Variants in SEMA6D observed in about 807,000 individuals in gnomAD.
The protein encoded by SEMA6D is semaphorin-6D.
SEMA6D carries 35 observed loss-of-function variants against 106.6 expected under a neutral mutation model. The ratio of observed to expected loss-of-function variants is 0.33; its 90% CI spans 0.25 to 0.44. SEMA6D has a LOEUF of 0.44. Among genes scored for constraint, SEMA6D ranks in the 20% least tolerant of loss-of-function variants. The probability of loss-of-function intolerance (pLI) is 1.00; values close to 1 mark genes in which losing one functional copy is unlikely to be tolerated. For synonymous variants in SEMA6D, 499 were observed against 487.7 expected (o/e 1.02, Z -0.31); for missense variants, 1,185 against 1,345.9 (o/e 0.88, Z 1.87).
intron 4 of SEMA6D, among the ~76,000 whole-genome samples, chr15:47,665,039 C>T (rs1201985419): frequency 6.6e-6 from 1 of 152,072 alleles, no homozygotes; most frequent in Non-Finnish European, 1.5e-5. Flanking sequence ...CGAGAAGATC[C>T]TCTTTTATAT....
chr15:47,415,575 A>T (rs1002001174), intron 2 of SEMA6D, among the ~76,000 whole-genome samples: 2 of 152,016 alleles, frequency 1.3e-5, no homozygotes, highest in African/African-American at 4.8e-5. Context: ...GATTGTTTAC[A>T]ATCCAGGTTT....
intron 3 of SEMA6D, among the ~76,000 whole-genome samples, chr15:47,595,021 A>G (rs2076508639): frequency 1.3e-5 from 2 of 152,126 alleles, no homozygotes; most frequent in Non-Finnish European, 2.9e-5. Flanking sequence ...AATCTGGGAG[A>G]TATCCAGGTG....
chr15:47,475,445 AT>A (rs2141231078), intron 3 of SEMA6D, among the ~76,000 whole-genome samples: 1 of 152,242 alleles, frequency 6.6e-6, no homozygotes, highest in Admixed American at 6.5e-5. Flanking sequence ...TCTGATTTTC[AT>A]TTTTCTGTAT....
intron 1 of SEMA6D, among the ~76,000 whole-genome samples, chr15:47,187,976 T>G (rs1893690281): frequency 6.6e-6 from 1 of 152,182 alleles, no homozygotes; most frequent in Admixed American, 6.5e-5. Context: ...TTTGGGTAAA[T>G]CAGGCACTAA....
At chr15:47,562,929 C>G (rs2142728325) in intron 3 of SEMA6D, among the ~76,000 whole-genome samples, 1 of 152,184 alleles carries the variant, frequency 6.6e-6, no homozygotes, top group African/African-American at 2.4e-5. Context: ...GGAAACTACC[C>G]AAATGTCCAT....
chr15:47,650,329 T>C (rs2077662491), intron 4 of SEMA6D, among the ~76,000 whole-genome samples: 1 of 152,300 alleles, frequency 6.6e-6, no homozygotes, highest in Admixed American at 6.5e-5. Flanking sequence ...GGGCCTGTTA[T>C]GCAAAAAGCA....
chr15:47,456,622 C>T (rs991965415), intron 2 of SEMA6D, among the ~76,000 whole-genome samples: 8 of 151,832 alleles, frequency 5.3e-5, no homozygotes, highest in African/African-American at 1.9e-4. Context: ...TCACCTTAAA[C>T]AAGTAAAGAA....
At chr15:47,405,578 T>G (rs2040536387) in intron 1 of SEMA6D, among the ~76,000 whole-genome samples, 1 of 152,156 alleles carries the variant, frequency 6.6e-6, no homozygotes, top group African/African-American at 2.4e-5. Flanking sequence ...CCTCAGGGTC[T>G]TTCCCATAGC....
At chr15:47,466,015 C>T (rs886240841) in intron 2 of SEMA6D, among the ~76,000 whole-genome samples, 5 of 152,086 alleles carry the variant, frequency 3.3e-5, no homozygotes, top group African/African-American at 2.4e-5. Flanking sequence ...TTTCTCCCAG[C>T]TTTATAGGTG....
chr15:47,681,251 G>A (rs139260243), intron 4 of SEMA6D, among the ~76,000 whole-genome samples: 16 of 152,292 alleles, frequency 1.1e-4, no homozygotes, highest in African/African-American at 2.2e-4. Context: ...TACATACATT[G>A]AGATATTATT....
At position 47,652,949 on chromosome 15, in the gene SEMA6D, T is replaced by C. The variant is rs2038558534; in HGVS notation, c.-55+52053T>C. Among the ~76,000 whole-genome samples the C allele has an allele frequency of 2.0e-5, 3 of 152,170 alleles. No individual in the cohort carries two copies. The South Asian group carries it at 6.2e-4, about 32-fold the overall frequency. ...ATTTTTCAGTGACAGCAACCAAGAT[T>C]ATATAAATTTTGAAACATACAAGAG... On this transcript the variant is annotated intron_variant, in intron 4 of 19. Transcript: ENST00000558014.
At chr15:47,651,991 G>C (rs141933191) in intron 4 of SEMA6D, among the ~76,000 whole-genome samples, 1 of 152,102 alleles carries the variant, frequency 6.6e-6, no homozygotes, top group Non-Finnish European at 1.5e-5. Context: ...AAAAAGGAAC[G>C]TTTCTCTAAT....
In SEMA6D at chr15:47,228,161, C is replaced by CAT. The variant is rs1370210902; in HGVS notation, c.-239+43744_-239+43745insTA. Among the ~76,000 whole-genome samples, 45 of 92,290 alleles carry CAT rather than the reference C, an allele frequency of 4.9e-4. 1 individual carries two copies. The highest frequency in any genetic ancestry group is 2.0e-3 in the African/African-American group (43 of 21,114). 60.5% of individuals were successfully genotyped at this position (92,290 alleles called of 152,430 possible). Reference sequence around the variant, plus strand: ...GTACACACACACACACACACACACACACATATATATATAACCTTTTGTTAC... The same window carrying CAT: ...GTACACACACACACACACACACACACATACATATATATATAACCTTTTGTTAC... On this transcript the variant is annotated intron_variant, in intron 1 of 19. Transcript: ENST00000558014.
chr15:47,194,569 A>G (rs1055414388), intron 1 of SEMA6D, among the ~76,000 whole-genome samples: 5 of 152,186 alleles, frequency 3.3e-5, no homozygotes, highest in Admixed American at 6.5e-5. Context: ...AATACTACAT[A>G]AAGTAACTTC....
At chr15:47,441,377 G>T (rs1055520925) in intron 2 of SEMA6D, among the ~76,000 whole-genome samples, 1 of 152,096 alleles carries the variant, frequency 6.6e-6, no homozygotes, top group East Asian at 1.9e-4. Flanking sequence ...AAATAAATTT[G>T]TAATGTAAGT....
intron 3 of SEMA6D, among the ~76,000 whole-genome samples, chr15:47,552,864 ATTTTT>A (rs1566882834): frequency 7.7e-5 from 5 of 64,618 alleles, no homozygotes; most frequent in African/African-American, 3.8e-4. Flanking sequence ...ATATATATAT[ATTTTT>A]ATATATATAT....
intron 1 of SEMA6D, among the ~76,000 whole-genome samples, chr15:47,392,594 C>T (rs1245427395): frequency 6.6e-6 from 1 of 152,118 alleles, no homozygotes; most frequent in African/African-American, 2.4e-5. Context: ...TCCCTCTATC[C>T]CCCAGAACCT....
At chr15:47,300,580 C>T (rs1357525867) in intron 1 of SEMA6D, among the ~76,000 whole-genome samples, 1 of 152,106 alleles carries the variant, frequency 6.6e-6, no homozygotes, top group Non-Finnish European at 1.5e-5. Flanking sequence ...TTTAACAGAA[C>T]AGACAGATTT....
At chr15:47,373,135 A>G (rs1280337522) in intron 1 of SEMA6D, among the ~76,000 whole-genome samples, 1 of 152,170 alleles carries the variant, frequency 6.6e-6, no homozygotes, top group Admixed American at 6.5e-5. Context: ...CACAATGACA[A>G]TAATCAAGGG....
Sources: gnomAD v4.1 joint callset for allele counts (sites outside exome capture counted in the v4.1 genomes callset) on GRCh38, gnomAD v4.1.1 for gene constraint, MANE v1.5 for transcripts, NCBI Gene and HGNC (gene_info 2026-07-23, HGNC 2026-07-21) for gene names.